TANGO6: variants seen among roughly 807,000 people sequenced by gnomAD.
TANGO6 encodes the protein transport and Golgi organization protein 6 homolog.
TANGO6 carries 90 observed loss-of-function variants against 114.2 expected under a neutral mutation model. The ratio of observed to expected loss-of-function variants is 0.79; its 90% CI spans 0.66 to 0.94. The LOEUF (loss-of-function observed/expected upper bound fraction) is 0.94, where lower values mean the gene tolerates loss of function less well. TANGO6 is among the 40% of genes least tolerant of loss of function. TANGO6 has a pLI of 0.00. For missense variants in TANGO6, 1,274 were observed against 1,315.3 expected (o/e 0.97, Z 0.49); for synonymous variants, 477 against 509.8 (o/e 0.94, Z 0.87).
intron 14 of TANGO6, among the ~76,000 whole-genome samples, chr16:68,971,588 C>T (rs543943339): frequency 4.6e-4 from 69 of 151,484 alleles, no homozygotes; most frequent in Middle Eastern, 7.1e-3. Context: ...TCTTCTTTCT[C>T]TTAGCAAACA....
chr16:68,852,458 A>G (rs1961917902), intron 1 of TANGO6, among the ~76,000 whole-genome samples: 1 of 152,174 alleles, frequency 6.6e-6, no homozygotes, highest in African/African-American at 2.4e-5. Flanking sequence ...ATATTTTCAA[A>G]AAAAAAATTT....
chr16:68,954,128 T>C (rs983628743), intron 14 of TANGO6, among the ~76,000 whole-genome samples: 8 of 151,228 alleles, frequency 5.3e-5, no homozygotes, highest in Non-Finnish European at 1.0e-4. Flanking sequence ...TGTGTGCCTG[T>C]AATCCCAGCC....
chr16:69,082,949 G>T (rs1960487780), intron 17 of TANGO6, among the ~76,000 whole-genome samples: 2 of 152,158 alleles, frequency 1.3e-5, no homozygotes, highest in South Asian at 2.1e-4. Flanking sequence ...CTATGATTTG[G>T]CCTGGGAGTA....
intron 7 of TANGO6, among the ~76,000 whole-genome samples, chr16:68,892,173 G>A (rs892636681): frequency 6.6e-5 from 10 of 152,216 alleles, no homozygotes; most frequent in African/African-American, 1.9e-4. Flanking sequence ...CCTTCAAGGC[G>A]TTCCTAGTCA....
rs1368206200 is a variant in TANGO6 at position 68,907,584 on chromosome 16, T to C, written c.1800+9T>C. 1 of 1,609,332 alleles carries C rather than the reference T, an allele frequency of 6.2e-7. No individual in the cohort carries two copies. Among genetic ancestry groups the C allele is most frequent in the African/African-American group, 1.3e-5 (1 of 74,830 alleles). Reference sequence around the variant, plus strand: ...TCATCTTCTGTTTGAAAGTAAGAACTACCTGTAGTTCCTGGTCAGTGTTGT... The same window carrying C: ...TCATCTTCTGTTTGAAAGTAAGAACCACCTGTAGTTCCTGGTCAGTGTTGT... On this transcript the variant is annotated intron_variant, in intron 10 of 17. Transcript: ENST00000261778.
At chr16:69,064,282 A>G (rs548168662) in intron 17 of TANGO6, among the ~76,000 whole-genome samples, 1 of 152,248 alleles carries the variant, frequency 6.6e-6, no homozygotes, top group East Asian at 1.9e-4. Context: ...ATCCTACTGT[A>G]GCACCTTATG....
At chr16:69,079,623 A>G (rs1960437527) in intron 17 of TANGO6, among the ~76,000 whole-genome samples, 1 of 152,186 alleles carries the variant, frequency 6.6e-6, no homozygotes, top group South Asian at 2.1e-4. Flanking sequence ...GCTGAATTAT[A>G]CATACCAGAA....
At chr16:69,024,532 G>T (rs942826391) in intron 16 of TANGO6, among the ~76,000 whole-genome samples, 3 of 152,160 alleles carry the variant, frequency 2.0e-5, no homozygotes, top group African/African-American at 7.2e-5. Context: ...CTCCCAAAGT[G>T]CTGGGATTAC....
Position 68,860,495 on chromosome 16 carries a change from A to G in TANGO6, c.706A>G (p.Lys236Glu). 1 of 1,613,746 alleles carries G rather than the reference A, an allele frequency of 6.2e-7. No homozygotes were observed. Among genetic ancestry groups the G allele is most frequent in the Non-Finnish European group, 8.5e-7 (1 of 1,179,792 alleles). The change falls in exon 2 of 18, where the codon AAA becomes GAA. Residue 236 changes from lysine to glutamate, a missense_variant. By Grantham distance (56) the Lys-to-Glu change is moderately conservative. Coordinates refer to ENST00000261778, the MANE Select transcript of TANGO6 (RefSeq NM_024562.2). ...GTGCCAACTGGGATTCTGCCCAACC[A>G]AAAGAAAACTGCTAACACCTGCAGA... ...GLCQLGFCPT[K>E]RKLLTPAEEV...
intron 7 of TANGO6, among the ~76,000 whole-genome samples, chr16:68,896,468 A>T (rs1430729067): frequency 6.6e-6 from 1 of 151,952 alleles, no homozygotes; most frequent in Non-Finnish European, 1.5e-5. Flanking sequence ...ATGCACCACC[A>T]TGCCCAGCTA....
intron 17 of TANGO6, among the ~76,000 whole-genome samples, chr16:69,081,417 C>T (rs888174128): frequency 1.3e-5 from 2 of 151,680 alleles, no homozygotes; most frequent in Non-Finnish European, 2.9e-5. Context: ...ACTCTGTTGC[C>T]CAGGCTGGAG....
At chr16:69,030,925 G>A (rs1163943856) in intron 16 of TANGO6, among the ~76,000 whole-genome samples, 1 of 151,688 alleles carries the variant, frequency 6.6e-6, no homozygotes, top group African/African-American at 2.4e-5. Context: ...GCATGGTGGT[G>A]CACGCCTGTA....
At chr16:68,850,208 G>A (rs970115826) in intron 1 of TANGO6, among the ~76,000 whole-genome samples, 13 of 152,082 alleles carry the variant, frequency 8.5e-5, no homozygotes, top group African/African-American at 2.2e-4. Flanking sequence ...TCCTGACCTC[G>A]TGATCCACCC....
At chr16:68,847,328 C>A (rs1656806246) in intron 1 of TANGO6, among the ~76,000 whole-genome samples, 1 of 152,070 alleles carries the variant, frequency 6.6e-6, no homozygotes, top group South Asian at 2.1e-4. Context: ...TTGCAGACCC[C>A]CTGAGAGGGT....
chr16:69,024,087 A>G (rs1055124201), intron 16 of TANGO6, among the ~76,000 whole-genome samples: 1 of 151,824 alleles, frequency 6.6e-6, no homozygotes, highest in Non-Finnish European at 1.5e-5. Flanking sequence ...TTTTTAGTAT[A>G]GACAGAGTTT....
intron 17 of TANGO6, among the ~76,000 whole-genome samples, chr16:69,077,353 G>T (rs1222017262): frequency 6.6e-6 from 1 of 152,140 alleles, no homozygotes; most frequent in South Asian, 2.1e-4. Flanking sequence ...GTGACTGCAG[G>T]TCGCAACCCT....
intron 12 of TANGO6, among the ~76,000 whole-genome samples, chr16:68,923,494 A>G (rs1012792471): frequency 2.0e-5 from 3 of 152,300 alleles, no homozygotes; most frequent in South Asian, 4.1e-4. Context: ...GAATTGGTTG[A>G]GTCAGTTCCT....
chr16:68,940,533 A>G (rs986026769), intron 14 of TANGO6, among the ~76,000 whole-genome samples: 3 of 149,752 alleles, frequency 2.0e-5, no homozygotes, highest in Non-Finnish European at 4.4e-5. Context: ...GACAATGTCC[A>G]CTTCTCATCC....
intron 16 of TANGO6, among the ~76,000 whole-genome samples, chr16:69,029,770 G>A (rs1959563160): frequency 1.3e-5 from 2 of 152,132 alleles, no homozygotes; most frequent in South Asian, 4.2e-4. Context: ...TTGGTCATTT[G>A]AAGGGGGCTG....
Sources: gnomAD v4.1 joint callset for allele counts (sites outside exome capture counted in the v4.1 genomes callset) on GRCh38, gnomAD v4.1.1 for gene constraint, MANE v1.5 for transcripts, NCBI Gene and HGNC (gene_info 2026-07-23, HGNC 2026-07-21) for gene names.